Variants in ST6GAL2 observed in about 807,000 individuals in gnomAD.
The protein encoded by ST6GAL2 is beta-galactoside alpha-2,6-sialyltransferase 2.
ST6GAL2 carries 24 observed loss-of-function variants against 37.5 expected under a neutral mutation model. That is an observed-to-expected ratio of 0.64 (90% CI 0.46 to 0.90). ST6GAL2 has a LOEUF of 0.90. Ranked by LOEUF, ST6GAL2 falls within the 40% of genes least tolerant of loss-of-function variation. The probability of loss-of-function intolerance (pLI) is 0.00; values close to 1 mark genes in which losing one functional copy is unlikely to be tolerated. For missense variants in ST6GAL2, 715 were observed against 712.7 expected, an observed-to-expected ratio of 1.00 and a Z score of -0.04; for synonymous variants, 306 against 295.1, an observed-to-expected ratio of 1.04 and a Z score of -0.38.
At chr2:106,880,799 C>A (rs578054588) in intron 1 of ST6GAL2, among the ~76,000 whole-genome samples, 1 of 152,206 alleles carries the variant, frequency 6.6e-6, no homozygotes, top group South Asian at 2.1e-4. Flanking sequence ...AGCCATGAAT[C>A]CCAACAATTA....
chr2:106,857,512 G>A (rs1328134388), intron 1 of ST6GAL2, among the ~76,000 whole-genome samples: 2 of 152,096 alleles, frequency 1.3e-5, no homozygotes, highest in Non-Finnish European at 2.9e-5. Context: ...GCTGAGGCAG[G>A]AGAATTGCTT....
At position 106,802,495 on chromosome 2, in the gene ST6GAL2, C is replaced by G. The variant is rs1392982413; in HGVS notation, c.*4183G>C. 6.6e-6 allele frequency: 1 copy of G among 152,034 alleles called. No homozygotes were observed. The highest frequency in any genetic ancestry group is 1.5e-5 in the Non-Finnish European group (1 of 68,010). 9.4% of individuals were successfully genotyped at this position (152,034 alleles called of 1,614,324 possible). On this transcript the variant is annotated 3_prime_UTR_variant, in exon 6 of 6. Transcript: ENST00000409382. Reference sequence around the variant, plus strand: ...ATTCATTTAATAAAACAAGAACTTACATTTTATTTCCTTGAACGGACAGAG... The same window carrying G: ...ATTCATTTAATAAAACAAGAACTTAGATTTTATTTCCTTGAACGGACAGAG...
intron 1 of ST6GAL2, among the ~76,000 whole-genome samples, chr2:106,847,651 T>G (rs1253858692): frequency 6.6e-6 from 1 of 152,210 alleles, no homozygotes; most frequent in Non-Finnish European, 1.5e-5. Flanking sequence ...CACTTTTAAC[T>G]GTTCAACTAC....
At chr2:106,813,257 AT>A in intron 5 of ST6GAL2, 1 of 1,297,408 alleles carries the variant, frequency 7.7e-7, no homozygotes, top group Non-Finnish European at 9.8e-7. Context: ...GAAAATAAGT[AT>A]TAGTATTTTC....
In ST6GAL2 at chr2:106,803,576, T is replaced by C. The variant is rs1264961244; in HGVS notation, c.*3102A>G. ...TAAGGTAGGGAGAATCTAGATATGG[T>C]TGAATTGTCATTGCTGCTCAAAATT... On this transcript the variant is annotated 3_prime_UTR_variant, in exon 6 of 6. Transcript: ENST00000409382. 1 of 151,918 alleles carries C rather than the reference T, an allele frequency of 6.6e-6. No individual in the cohort carries two copies. The highest frequency in any genetic ancestry group is 1.9e-4 in the East Asian group (1 of 5,178). The allele number at this position is 151,918 out of a possible 1,614,324, so 9.4% of individuals were successfully genotyped here. A position where few individuals can be genotyped will look rare whatever the true frequency, so the allele number is the denominator to read the frequency against.
At chr2:106,827,681 C>G (rs1217200732) in intron 5 of ST6GAL2, among the ~76,000 whole-genome samples, 1 of 152,198 alleles carries the variant, frequency 6.6e-6, no homozygotes, top group Non-Finnish European at 1.5e-5. Context: ...GAATTGTTCT[C>G]TCTCTGCACT....
At chr2:106,842,036 C>T (rs200147027) in intron 2 of ST6GAL2, among the ~76,000 whole-genome samples, 10 of 152,134 alleles carry the variant, frequency 6.6e-5, no homozygotes, top group Non-Finnish European at 1.0e-4. Context: ...AATGCAGGTG[C>T]GCTTCCTCAA....
intron 1 of ST6GAL2, among the ~76,000 whole-genome samples, chr2:106,884,906 C>CAGATATATATAT (rs1553429947): frequency 3.9e-5 from 3 of 76,496 alleles, no homozygotes; most frequent in Non-Finnish European, 7.0e-5. Flanking sequence ...ATTTGCAGCG[C>CAGATATATATAT]ATATATATAT....
intron 1 of ST6GAL2, among the ~76,000 whole-genome samples, chr2:106,879,909 A>G (rs969582637): frequency 6.1e-5 from 9 of 148,180 alleles, no homozygotes; most frequent in African/African-American, 2.2e-4. Flanking sequence ...CCAATTATAT[A>G]CTATTATACT....
intron 2 of ST6GAL2, among the ~76,000 whole-genome samples, chr2:106,842,823 C>A (rs570788099): frequency 1.3e-5 from 2 of 152,300 alleles, no homozygotes; most frequent in East Asian, 3.9e-4. Context: ...CTAAGAGTCT[C>A]CCGAAGAGTA....
intron 5 of ST6GAL2, among the ~76,000 whole-genome samples, chr2:106,819,503 T>G (rs1471335473): frequency 1.3e-5 from 2 of 152,050 alleles, no homozygotes; most frequent in African/African-American, 4.8e-5. Context: ...TAGAATAGTA[T>G]ATCCAGCAAA....
intron 5 of ST6GAL2, among the ~76,000 whole-genome samples, chr2:106,808,042 T>A (rs150266422): frequency 1.1e-4 from 16 of 152,368 alleles, no homozygotes; most frequent in Middle Eastern, 3.4e-3. Flanking sequence ...GGGATGTCCC[T>A]TGTTATAAAA....
At chr2:106,860,207 C>T (rs1015989771) in intron 1 of ST6GAL2, among the ~76,000 whole-genome samples, 6 of 152,134 alleles carry the variant, frequency 3.9e-5, no homozygotes, top group African/African-American at 7.2e-5. Flanking sequence ...GTACTGATGC[C>T]ACTGGATATG....
intron 2 of ST6GAL2, among the ~76,000 whole-genome samples, chr2:106,838,478 C>T (rs1676736621): frequency 6.6e-6 from 1 of 152,268 alleles, no homozygotes; most frequent in Non-Finnish European, 1.5e-5. Context: ...CTGTTTCTCC[C>T]CAGGACCTGT....
At chr2:106,880,746 C>T (rs6729112) in intron 1 of ST6GAL2, among the ~76,000 whole-genome samples, 67,651 of 150,742 alleles carry the variant, frequency 0.45, 16,137 homozygotes, top group East Asian at 0.54. Flanking sequence ...GTTCTTCCTT[C>T]AGTTGGAAGG....
In ST6GAL2 at chr2:106,801,897, A is replaced by AT. The variant is rs953641283; in HGVS notation, c.*4780dup. On this transcript the variant is annotated 3_prime_UTR_variant, in exon 6 of 6. Transcript: ENST00000409382. ...AAACAGGATTTGTTATAAATGTTAG[A>AT]TTTTAACACCACCAATGCAATTTCT... is the stretch of plus-strand genomic sequence containing the variant. The AT allele has an allele frequency of 2.0e-5, 3 of 152,118 alleles. No individual in the cohort carries two copies. The highest frequency in any genetic ancestry group is 4.4e-5 in the Non-Finnish European group (3 of 68,014). 9.4% of individuals were successfully genotyped at this position (152,118 alleles called of 1,614,324 possible). A position where few individuals can be genotyped will look rare whatever the true frequency, so the allele number is the denominator to read the frequency against.
chr2:106,838,032 C>T (rs981874741), intron 2 of ST6GAL2, among the ~76,000 whole-genome samples: 4 of 152,140 alleles, frequency 2.6e-5, no homozygotes, highest in South Asian at 2.1e-4. Context: ...GGGGAGGGTG[C>T]GCTGAGACTG....
intron 5 of ST6GAL2, chr2:106,813,182 G>T: frequency 7.4e-7 from 1 of 1,346,312 alleles, no homozygotes; most frequent in Non-Finnish European, 9.6e-7. Context: ...GCGTGATCTC[G>T]GCTCACTGCA....
chr2:106,844,805 C>T (rs2104525962), intron 1 of ST6GAL2, among the ~76,000 whole-genome samples: 2 of 152,160 alleles, frequency 1.3e-5, no homozygotes, highest in South Asian at 4.1e-4. Context: ...CTAGATGAGA[C>T]TCAGAGAAAG....
Sources: gnomAD v4.1 joint callset for allele counts (sites outside exome capture counted in the v4.1 genomes callset) on GRCh38, gnomAD v4.1.1 for gene constraint, MANE v1.5 for transcripts, NCBI Gene and HGNC (gene_info 2026-07-23, HGNC 2026-07-21) for gene names.